Variants in TSSK1B observed in about 807,000 individuals in gnomAD.
TSSK1B encodes the protein testis-specific serine/threonine-protein kinase 1.
TSSK1B carries 2 observed loss-of-function variants against 4.0 expected under a neutral mutation model. The ratio of observed to expected loss-of-function variants is 0.50; its 90% CI spans 0.20 to 1.57. The LOEUF (loss-of-function observed/expected upper bound fraction) is 1.57, where lower values mean the gene tolerates loss of function less well. Ranked by LOEUF, TSSK1B falls within the 40% of genes most tolerant of loss-of-function variation. TSSK1B has a pLI of 0.22. For synonymous variants in TSSK1B, 198 were observed against 200.7 expected (o/e 0.99, Z 0.11); for missense variants, 488 against 495.1 (o/e 0.99, Z 0.14).
rs199777349 is a variant in TSSK1B, at chr5:113,433,797, G to C, written c.1043C>G (p.Pro348Arg). 5 of 1,613,924 alleles carry C rather than the reference G, an allele frequency of 3.1e-6. No individual in the cohort carries two copies. The highest frequency in any genetic ancestry group is 4.2e-6 in the Non-Finnish European group (5 of 1,179,874). ...CCCTTCCTCTGTCTCCATAGTCGAC[G>C]GCTTGCTGGGGAAACCCAGGATCTC... Reference protein sequence around the residue: ...QSEILGFPSKPSTMETEEGPP... With the variant: ...QSEILGFPSKRSTMETEEGPP... Residue 348 changes from proline (P) to arginine (R), a missense_variant, in exon 1 of 1, where the codon CCG (proline) becomes CGG (arginine). Transcript: ENST00000390666.
chr5:113,433,668 C>A lies in TSSK1B; in HGVS notation c.*68G>T. ...GGACTGCCTTCCTTCTCTGGCTCCA[C>A]CCTTGACTTCTTCAGAGCTTGGGCT... On this transcript the variant is annotated 3_prime_UTR_variant, in exon 1 of 1. Coordinates refer to ENST00000390666, the MANE Select transcript of TSSK1B (RefSeq NM_032028.4). 1.3e-6 allele frequency: 2 copies of A among 1,534,012 alleles called. No homozygotes were observed. Among genetic ancestry groups the A allele is most frequent in the Non-Finnish European group, 1.8e-6 (2 of 1,138,954 alleles).
Position 113,434,163 on chromosome 5 carries a change from C to G in TSSK1B, c.677G>C (p.Arg226Pro). Reference sequence around the variant, plus strand: ...GTTGACGCGGTGCTCCTTCTGGATACGCAGCATCTTCTTGATGTTGGAGTC... The same window carrying G: ...GTTGACGCGGTGCTCCTTCTGGATAGGCAGCATCTTCTTGATGTTGGAGTC... ...YDDSNIKKML[R>P]IQKEHRVNFP... The change falls in exon 1 of 1, where the codon CGT (arginine) becomes CCT (proline). Residue 226 changes from arginine to proline, a missense_variant. Physicochemically the swap from Arg to Pro is moderately radical, Grantham distance 103. Transcript: ENST00000390666. This position sits in a 1 kb window ranked among gnomAD's most constrained non-coding sequence, Gnocchi z 4.2. 3.1e-6 allele frequency: 5 copies of G among 1,614,160 alleles called. No individual in the cohort carries two copies. The highest frequency in any genetic ancestry group is 4.2e-6 in the Non-Finnish European group (5 of 1,180,016).
Position 113,434,575 on chromosome 5 carries a change from C to A in TSSK1B, c.265G>T (p.Val89Phe). 6.2e-7 allele frequency: 1 copy of A among 1,613,562 alleles called. No homozygotes were observed. Among genetic ancestry groups the A allele is most frequent in the Non-Finnish European group, 8.5e-7 (1 of 1,179,718 alleles). ...FETSHGKVYI[V>F]MELAVQGDLL... ...TCGCCCTGGACCGCGAGCTCCATGACGATGTAGACCTTGCCATGTGATGTC... is the reference window on the plus strand; with the variant it reads ...TCGCCCTGGACCGCGAGCTCCATGAAGATGTAGACCTTGCCATGTGATGTC... Residue 89 changes from valine (V) to phenylalanine (F), a missense_variant, in exon 1 of 1, where the codon GTC (valine) becomes TTC (phenylalanine). Physicochemically the swap from Val to Phe is conservative, Grantham distance 50. Coordinates refer to ENST00000390666, the MANE Select transcript of TSSK1B (RefSeq NM_032028.4). This position sits in a 1 kb window ranked among gnomAD's most constrained non-coding sequence, Gnocchi z 4.2.
chr5:113,434,732 G>A lies in TSSK1B; in HGVS notation c.108C>T (p.Phe36=), dbSNP rs1235809105. The A allele has an allele frequency of 6.2e-7, 1 of 1,614,108 alleles. No homozygotes were observed. Among genetic ancestry groups the A allele is most frequent in the East Asian group, 2.2e-5 (1 of 44,880 alleles). ...GGTCGATGATCTTGATCGCCACATT[G>A]AACTTCAGGCGCTCAGAGTAAGCAG... The part of the protein sequence containing the change: ...VKSAYSERLK[F]NVAIKIIDRK... Residue 36 remains phenylalanine (F), a synonymous_variant, in exon 1 of 1, where the codon TTC becomes TTT. Transcript: ENST00000390666. This position sits in a 1 kb window ranked among gnomAD's most constrained non-coding sequence, Gnocchi z 4.2.
rs568715339 is a variant in TSSK1B, at chr5:113,434,499, C to A, written c.341G>T (p.Arg114Leu). The change falls in exon 1 of 1, where the codon CGC (arginine) becomes CTC (leucine). Residue 114 changes from arginine to leucine, a missense_variant. By Grantham distance (102) the Arg-to-Leu change is moderately radical. Transcript: ENST00000390666. This position sits in a 1 kb window ranked among gnomAD's most constrained non-coding sequence, Gnocchi z 4.2. Reference sequence around the variant, plus strand: ...CAAGGAAAGCTGGTGGAACTTCTTGCGAGCTTCGTCCTCATGCAGGGCTCC... The same window carrying A: ...CAAGGAAAGCTGGTGGAACTTCTTGAGAGCTTCGTCCTCATGCAGGGCTCC... ...TRGALHEDEA[R>L]KKFHQLSLAI... 1 of 1,612,912 alleles carries A rather than the reference C, an allele frequency of 6.2e-7. No individual in the cohort carries two copies.
rs1331491584 is a variant in TSSK1B, at chr5:113,434,836, C to A, written c.4G>T (p.Asp2Tyr). The A allele has an allele frequency of 1.9e-6, 3 of 1,604,970 alleles. No individual in the cohort carries two copies. The highest frequency in any genetic ancestry group is 2.7e-5 in the African/African-American group (2 of 74,686). ...CGTCGCTTGAGGACAGCAGCGTCATCCATGGTGCCAGGAATGCCCAGTGCC... is the reference window on the plus strand; with the variant it reads ...CGTCGCTTGAGGACAGCAGCGTCATACATGGTGCCAGGAATGCCCAGTGCC... M[D>Y]DAAVLKRRGY... Residue 2 changes from aspartate to tyrosine, a missense_variant, in exon 1 of 1, where the codon GAT (aspartate) becomes TAT (tyrosine). Coordinates refer to ENST00000390666, the MANE Select transcript of TSSK1B (RefSeq NM_032028.4). The surrounding 1 kb of genome is among the most constrained non-coding windows in gnomAD (Gnocchi z 4.2).
In TSSK1B at chr5:113,433,421, T is replaced by C; in HGVS notation, c.*315A>G. Reference sequence around the variant, plus strand: ...TGCCTTCCTGCTGCTCTTCCTGCTCTTGCTGTCACTGAGCCGTTGCGGCCA... The same window carrying C: ...TGCCTTCCTGCTGCTCTTCCTGCTCCTGCTGTCACTGAGCCGTTGCGGCCA... On this transcript the variant is annotated 3_prime_UTR_variant, in exon 1 of 1. Transcript: ENST00000390666. 1 of 585,676 alleles carries C rather than the reference T, an allele frequency of 1.7e-6. No individual in the cohort carries two copies. The highest frequency in any genetic ancestry group is 3.7e-5 in the East Asian group (1 of 27,248). 36.3% of individuals were successfully genotyped at this position (585,676 alleles called of 1,614,324 possible).
rs1470692531 is a variant in TSSK1B, at chr5:113,434,237, G to A, written c.603C>T (p.Ser201=). The A allele has an allele frequency of 1.9e-6, 3 of 1,614,048 alleles. No individual in the cohort carries two copies. Among genetic ancestry groups the A allele is most frequent in the Non-Finnish European group, 8.5e-7 (1 of 1,179,954 alleles). ...CCATGATGTAGAGGATCACGCCTAG[G>A]CTCCAGATGTCGTACACCTTGGGCT... The part of the protein sequence containing the change: ...PYQPKVYDIW[S]LGVILYIMVC... The change falls in exon 1 of 1, where the codon AGC becomes AGT. Residue 201 remains serine, a synonymous_variant. Coordinates refer to ENST00000390666, the MANE Select transcript of TSSK1B (RefSeq NM_032028.4). This position sits in a 1 kb window ranked among gnomAD's most constrained non-coding sequence, Gnocchi z 4.2.
chr5:113,434,563 C>T lies in TSSK1B; in HGVS notation c.277G>A (p.Ala93Thr), dbSNP rs373083902. ...AACTCGAGGAGGTCGCCCTGGACCG[C>T]GAGCTCCATGACGATGTAGACCTTG... Reference protein sequence around the residue: ...HGKVYIVMELAVQGDLLELIK... With the variant: ...HGKVYIVMELTVQGDLLELIK... The change falls in exon 1 of 1, where the codon GCG becomes ACG. Residue 93 changes from alanine (A) to threonine (T), a missense_variant. By Grantham distance (58) the Ala-to-Thr change is moderately conservative. Transcript: ENST00000390666. The surrounding 1 kb of genome is among the most constrained non-coding windows in gnomAD (Gnocchi z 4.2). The T allele has an allele frequency of 1.0e-4, 164 of 1,613,198 alleles. No homozygotes were observed. Among genetic ancestry groups the T allele is most frequent in the Non-Finnish European group, 1.3e-4 (158 of 1,179,554 alleles).
chr5:113,434,233 C>G lies in TSSK1B; in HGVS notation c.607G>C (p.Gly203Arg). 1.2e-6 allele frequency: 2 copies of G among 1,614,062 alleles called. No individual in the cohort carries two copies. Among genetic ancestry groups the G allele is most frequent in the Non-Finnish European group, 1.7e-6 (2 of 1,179,950 alleles). The change falls in exon 1 of 1, where the codon GGC becomes CGC. Residue 203 changes from glycine (G) to arginine (R), a missense_variant. By Grantham distance (125) the Gly-to-Arg change is moderately radical. Coordinates refer to ENST00000390666, the MANE Select transcript of TSSK1B (RefSeq NM_032028.4). This position sits in a 1 kb window ranked among gnomAD's most constrained non-coding sequence, Gnocchi z 4.2. ...CAGACCATGATGTAGAGGATCACGC[C>G]TAGGCTCCAGATGTCGTACACCTTG... is the stretch of plus-strand genomic sequence containing the variant. ...QPKVYDIWSL[G>R]VILYIMVCGS...
At position 113,433,470 on chromosome 5, in the gene TSSK1B, GCT is replaced by G. The variant is rs1230977044; in HGVS notation, c.*264_*265del. 1 of 613,190 alleles carries G rather than the reference GCT, an allele frequency of 1.6e-6. No individual in the cohort carries two copies. Among genetic ancestry groups the G allele is most frequent in the African/African-American group, 1.8e-5 (1 of 54,254 alleles). The allele number at this position is 613,190 out of a possible 1,614,324, so 38.0% of individuals were successfully genotyped here. Reference sequence around the variant, plus strand: ...CAGTGGGGACCCTCTGCTGAGACAGGCTCTGTGTCCAGCACCTGCTCCGGGTC... The same window carrying G: ...CAGTGGGGACCCTCTGCTGAGACAGGCTGTGTCCAGCACCTGCTCCGGGTC... On this transcript the variant is annotated 3_prime_UTR_variant, in exon 1 of 1. Coordinates refer to ENST00000390666, the MANE Select transcript of TSSK1B (RefSeq NM_032028.4).
rs375540062 is a variant in TSSK1B, at chr5:113,434,734, A to G, written c.106T>C (p.Phe36Leu). The change falls in exon 1 of 1, where the codon TTC (phenylalanine) becomes CTC (leucine). Residue 36 changes from phenylalanine (F) to leucine (L), a missense_variant. Physicochemically the swap from Phe to Leu is conservative, Grantham distance 22. Transcript: ENST00000390666. The surrounding 1 kb of genome is among the most constrained non-coding windows in gnomAD (Gnocchi z 4.2). ...VKSAYSERLK[F>L]NVAIKIIDRK... ...TCGATGATCTTGATCGCCACATTGA[A>G]CTTCAGGCGCTCAGAGTAAGCAGAT... The G allele has an allele frequency of 3.1e-6, 5 of 1,613,848 alleles. No individual in the cohort carries two copies. Among genetic ancestry groups the G allele is most frequent in the Non-Finnish European group, 4.2e-6 (5 of 1,179,956 alleles).
rs550503876 is a variant in TSSK1B at position 113,433,952 on chromosome 5, G to A, written c.888C>T (p.Pro296=). Residue 296 remains proline, a synonymous_variant, in exon 1 of 1, where the codon CCC becomes CCT. Coordinates refer to ENST00000390666, the MANE Select transcript of TSSK1B (RefSeq NM_032028.4). ...KEGESSRGTE[P]LWTPEPGSDK... ...CAGAGCCAGGTTCGGGGGTCCACAAGGGTTCAGTTCCCCGGGAACTCTCCC... is the reference window on the plus strand; with the variant it reads ...CAGAGCCAGGTTCGGGGGTCCACAAAGGTTCAGTTCCCCGGGAACTCTCCC... 1.9e-6 allele frequency: 3 copies of A among 1,613,996 alleles called. No individual in the cohort carries two copies. The highest frequency in any genetic ancestry group is 1.1e-5 in the South Asian group (1 of 91,076).
chr5:113,434,790 T>C lies in TSSK1B; in HGVS notation c.50A>G (p.Asn17Ser). ...LKRRGYLLGI[N>S]LGEGSYAKVK... ...TTTTGCATAGGAGCCCTCTCCTAAA[T>C]TTATCCCCAGGAGGTAGCCTCGTCG... Residue 17 changes from asparagine to serine, a missense_variant, in exon 1 of 1, where the codon AAT (asparagine) becomes AGT (serine). Asn to Ser is a conservative substitution (Grantham distance 46, BLOSUM62 1). Transcript: ENST00000390666. This position sits in a 1 kb window ranked among gnomAD's most constrained non-coding sequence, Gnocchi z 4.2. 1 of 1,613,538 alleles carries C rather than the reference T, an allele frequency of 6.2e-7. No homozygotes were observed. Among genetic ancestry groups the C allele is most frequent in the Non-Finnish European group, 8.5e-7 (1 of 1,179,524 alleles).
In TSSK1B at chr5:113,434,658, A is replaced by G. The variant is rs1228371397; in HGVS notation, c.182T>C (p.Ile61Thr). 1 of 1,613,800 alleles carries G rather than the reference A, an allele frequency of 6.2e-7. No individual in the cohort carries two copies. Residue 61 changes from isoleucine to threonine, a missense_variant, in exon 1 of 1, where the codon ATT becomes ACT. By Grantham distance (89) the Ile-to-Thr change is moderately conservative. Coordinates refer to ENST00000390666, the MANE Select transcript of TSSK1B (RefSeq NM_032028.4). The surrounding 1 kb of genome is among the most constrained non-coding windows in gnomAD (Gnocchi z 4.2). ...GTGGTTTAACATGGCCAGAATCTCAATTTCCCGGGGAAGGAATTTCTCCAA... is the reference window on the plus strand; with the variant it reads ...GTGGTTTAACATGGCCAGAATCTCAGTTTCCCGGGGAAGGAATTTCTCCAA... The part of the protein sequence containing the change: ...DFLEKFLPRE[I>T]EILAMLNHCS...
In TSSK1B at chr5:113,433,918, A is replaced by C. The variant is rs1429278424; in HGVS notation, c.922T>G (p.Ser308Ala). ...WTPEPGSDKK[S>A]ATKLEPEGEA... ...CCCTCAGGCTCCAGCTTGGTGGCAG[A>C]CTTCTTGTCAGAGCCAGGTTCGGGG... The change falls in exon 1 of 1, where the codon TCT (serine) becomes GCT (alanine). Residue 308 changes from serine (S) to alanine (A), a missense_variant. Transcript: ENST00000390666. 1.2e-6 allele frequency: 2 copies of C among 1,613,778 alleles called. No individual in the cohort carries two copies. Among genetic ancestry groups the C allele is most frequent in the Admixed American group, 1.7e-5 (1 of 60,000 alleles).
chr5:113,433,644 G>A lies in TSSK1B; in HGVS notation c.*92C>T. On this transcript the variant is annotated 3_prime_UTR_variant, in exon 1 of 1. Transcript: ENST00000390666. ...CTGATGAAAATAGAGGCTCATCTGG[G>A]ACTGCCTTCCTTCTCTGGCTCCACC... The A allele has an allele frequency of 7.0e-7, 1 of 1,429,384 alleles. No individual in the cohort carries two copies. The highest frequency in any genetic ancestry group is 9.4e-7 in the Non-Finnish European group (1 of 1,063,854). 88.5% of individuals were successfully genotyped at this position (1,429,384 alleles called of 1,614,324 possible).
chr5:113,434,657 A>T lies in TSSK1B; in HGVS notation c.183T>A (p.Ile61=), dbSNP rs1357873284. Residue 61 remains isoleucine (I), a synonymous_variant, in exon 1 of 1, where the codon ATT becomes ATA. Transcript: ENST00000390666. The surrounding 1 kb of genome is among the most constrained non-coding windows in gnomAD (Gnocchi z 4.2). The part of the protein sequence containing the change: ...DFLEKFLPRE[I]EILAMLNHCS... ...AGTGGTTTAACATGGCCAGAATCTC[A>T]ATTTCCCGGGGAAGGAATTTCTCCA... The T allele has an allele frequency of 6.2e-7, 1 of 1,613,830 alleles. No individual in the cohort carries two copies. The highest frequency in any genetic ancestry group is 8.5e-7 in the Non-Finnish European group (1 of 1,179,856).
Position 113,434,687 on chromosome 5 carries a change from G to T in TSSK1B, c.153C>A (p.Asp51Glu). 6.2e-7 allele frequency: 1 copy of T among 1,614,064 alleles called. No homozygotes were observed. The highest frequency in any genetic ancestry group is 8.5e-7 in the Non-Finnish European group (1 of 1,179,920). The stretch of plus-strand genomic sequence containing the variant: ...CCCGGGGAAGGAATTTCTCCAAGAA[G>T]TCTGCGGGGGCCTTCTTGCGGTCGA... ...KIIDRKKAPADFLEKFLPREI... is the reference protein window; with the variant it reads ...KIIDRKKAPAEFLEKFLPREI... Residue 51 changes from aspartate (D) to glutamate (E), a missense_variant, in exon 1 of 1, where the codon GAC becomes GAA. Transcript: ENST00000390666. The surrounding 1 kb of genome is among the most constrained non-coding windows in gnomAD (Gnocchi z 4.2).
Sources: allele counts gnomAD v4.1 joint callset, GRCh38; gene constraint gnomAD v4.1.1; non-coding constraint Gnocchi (gnomAD v3.1); transcripts MANE v1.5; gene names NCBI Gene and HGNC (gene_info 2026-07-23, HGNC 2026-07-21).